UNK: variants seen among roughly 807,000 people sequenced by gnomAD.
UNK encodes the protein unk zinc finger.
Under a neutral mutation model 97.6 loss-of-function variants are expected in UNK, and 32 were observed. The ratio of observed to expected loss-of-function variants is 0.33; its 90% CI spans 0.25 to 0.44. UNK has a LOEUF of 0.44. Among genes scored for constraint, UNK ranks in the 20% least tolerant of loss-of-function variants. UNK has a pLI of 1.00. For missense variants in UNK, 771 were observed against 1,098.4 expected (o/e 0.70, Z 4.21); for synonymous variants, 441 against 461.2 (o/e 0.96, Z 0.56).
intron 2 of UNK, among the ~76,000 whole-genome samples, chr17:75,810,955 T>C (rs1567803584): frequency 6.6e-6 from 1 of 151,416 alleles, no homozygotes; most frequent in East Asian, 2.0e-4. Context: ...TTCTTTTTTT[T>C]TGAGATGGAG....
At chr17:75,789,240 G>C (rs1289047426) in intron 1 of UNK, among the ~76,000 whole-genome samples, 1 of 152,122 alleles carries the variant, frequency 6.6e-6, no homozygotes, top group African/African-American at 2.4e-5. Context: ...AGTTATGTCA[G>C]AAGTTCCTTT....
In UNK at chr17:75,816,747, A is replaced by T; in HGVS notation, c.962-23A>T. The T allele has an allele frequency of 6.3e-7, 1 of 1,584,574 alleles. No individual in the cohort carries two copies. The highest frequency in any genetic ancestry group is 8.6e-7 in the Non-Finnish European group (1 of 1,169,078). ...GGACAGAGCTGGCTGGGGCCTGCTG[A>T]CCCCTGCCCCTGACTCTTGCAGAGC... On this transcript the variant is annotated intron_variant, in intron 7 of 15. Transcript: ENST00000589666. The surrounding 1 kb of genome is among the most constrained non-coding windows in gnomAD (Gnocchi z 4.0).
chr17:75,785,137 TCCCAACTGCC>T, intron 1 of UNK, 153 bp downstream of exon 1: 2 of 539,642 alleles, frequency 3.7e-6, no homozygotes, highest in South Asian at 2.7e-5. Flanking sequence ...CTGGGGCCGG[TCCCAACTGCC>T]TCCAACTGCC....
chr17:75,823,558 C>T, intron 15 of UNK, 36 bp downstream of exon 15: 5 of 1,498,734 alleles, frequency 3.3e-6, no homozygotes, highest in Admixed American at 2.2e-5. Flanking sequence ...GTGGGATGCA[C>T]GGTGGCCTCA....
chr17:75,818,740 C>T lies in UNK; in HGVS notation c.1470C>T (p.Gly490=), dbSNP rs374284607. The change falls in exon 11 of 16, where the codon GGC becomes GGT. Residue 490 remains glycine (G), a synonymous_variant. Transcript: ENST00000589666. This position sits in a 1 kb window ranked among gnomAD's most constrained non-coding sequence, Gnocchi z 5.1. ...CAGCTACCCCCCCTAGCCCAGTGGGCACCAGCAGCGTCCCCGGCATGAATG... is the reference window on the plus strand; with the variant it reads ...CAGCTACCCCCCCTAGCCCAGTGGGTACCAGCAGCGTCCCCGGCATGAATG... ...SLAATPPSPV[G]TSSVPGMNAN... is the part of the protein sequence containing the mutation. The T allele has an allele frequency of 5.6e-6, 9 of 1,613,194 alleles. No homozygotes were observed. Among genetic ancestry groups the T allele is most frequent in the African/African-American group, 1.3e-5 (1 of 74,904 alleles).
At chr17:75,790,467 C>T (rs2061753859) in intron 1 of UNK, among the ~76,000 whole-genome samples, 2 of 151,582 alleles carry the variant, frequency 1.3e-5, no homozygotes, top group African/African-American at 4.9e-5. Context: ...CTCCTCTCTA[C>T]TAAAAATTAA....
Position 75,815,183 on chromosome 17 carries a change from C to A in UNK, c.891C>A (p.Thr297=), listed in dbSNP as rs1271706819. ...CTGCCCTCCAGATCTACAAGTCCAC[C>A]AAGTGCAACGACATGCAGCAGTCGG... is the stretch of plus-strand genomic sequence containing the variant. ...QQFHPEIYKS[T]KCNDMQQSGS... is the part of the protein sequence containing the mutation. Residue 297 remains threonine (T), a synonymous_variant, in exon 7 of 16, where the codon ACC becomes ACA. Transcript: ENST00000589666. 1.9e-6 allele frequency: 3 copies of A among 1,613,190 alleles called. No homozygotes were observed. In the Admixed American group the frequency reaches 5.0e-5, roughly 27 times the overall value.
intron 1 of UNK, among the ~76,000 whole-genome samples, chr17:75,788,446 G>A (rs953119533): frequency 6.6e-6 from 1 of 152,128 alleles, no homozygotes; most frequent in Non-Finnish European, 1.5e-5. Context: ...CCAAACTGCT[G>A]GGATTACAGG....
chr17:75,821,135 T>C, intron 13 of UNK: 1 of 286,808 alleles, frequency 3.5e-6, no homozygotes, highest in South Asian at 3.0e-5. Flanking sequence ...CACTGCAGCC[T>C]GGAACTCCTG....
intron 1 of UNK, among the ~76,000 whole-genome samples, chr17:75,799,288 A>C (rs979075513): frequency 6.6e-6 from 1 of 152,188 alleles, no homozygotes; most frequent in Non-Finnish European, 1.5e-5. Context: ...CCTGGGTGAC[A>C]GAATGAGACC....
intron 13 of UNK, among the ~76,000 whole-genome samples, chr17:75,822,142 G>C (rs543250229): frequency 6.6e-6 from 1 of 152,308 alleles, no homozygotes; most frequent in African/African-American, 2.4e-5. Context: ...CACTATCGGG[G>C]GCCTGGGACT....
Position 75,784,909 on chromosome 17 carries a change from C to T in UNK, c.29C>T (p.Ser10Phe). Reference protein sequence around the residue: MSKGPGPGGSAASSAPPAAT... With the variant: MSKGPGPGGFAASSAPPAAT... ...TCGAAGGGCCCCGGGCCCGGCGGCT[C>T]CGCAGCTTCCTCGGCGCCCCCGGCC... The change falls in exon 1 of 16, where the codon TCC becomes TTC. Residue 10 changes from serine to phenylalanine, a missense_variant. Physicochemically the swap from Ser to Phe is radical, Grantham distance 155. This residue lies in a region of UNK where 34 missense variants were observed against 24.7 expected (regional missense o/e 1.37). Coordinates refer to ENST00000589666, the MANE Select transcript of UNK (RefSeq NM_001080419.3). 1.3e-6 allele frequency: 2 copies of T among 1,571,202 alleles called. No homozygotes were observed. The highest frequency in any genetic ancestry group is 1.7e-6 in the Non-Finnish European group (2 of 1,162,194).
intron 1 of UNK, among the ~76,000 whole-genome samples, chr17:75,789,808 A>G (rs1418781099): frequency 1.3e-5 from 2 of 152,148 alleles, no homozygotes; most frequent in Admixed American, 6.5e-5. Flanking sequence ...AAGTTTAGCT[A>G]CCTTTTGGCT....
intron 1 of UNK, among the ~76,000 whole-genome samples, chr17:75,795,847 C>G (rs534116122): frequency 6.6e-6 from 1 of 152,200 alleles, no homozygotes; most frequent in Non-Finnish European, 1.5e-5. Flanking sequence ...ATTGCACACC[C>G]TTCCTGGCTC....
chr17:75,812,093 C>A lies in UNK; in HGVS notation c.315-19C>A. On this transcript the variant is annotated intron_variant, in intron 2 of 15. Coordinates refer to ENST00000589666, the MANE Select transcript of UNK (RefSeq NM_001080419.3). The stretch of plus-strand genomic sequence containing the variant: ...GCTGCAGGCAGCAAAGTTGAGTGAC[C>A]CCCACTACCGTGTTCCAGGTGCCCA... The A allele has an allele frequency of 6.4e-7, 1 of 1,570,302 alleles. No homozygotes were observed. Among genetic ancestry groups the A allele is most frequent in the Non-Finnish European group, 8.7e-7 (1 of 1,153,642 alleles).
Position 75,819,632 on chromosome 17 carries a change from C to T in UNK, c.1547-52C>T, listed in dbSNP as rs1437709754. The T allele has an allele frequency of 6.5e-7, 1 of 1,549,968 alleles. No homozygotes were observed. On this transcript the variant is annotated intron_variant, in intron 11 of 15. Coordinates refer to ENST00000589666, the MANE Select transcript of UNK (RefSeq NM_001080419.3). The surrounding 1 kb of genome is among the most constrained non-coding windows in gnomAD (Gnocchi z 5.4). ...CAGCGTGGGCAGTAGACGAGGTGGT[C>T]AGGGTCAGATAGTCCCTCGGGAGGT...
Position 75,820,023 on chromosome 17 carries a change from C to T in UNK, c.1752C>T (p.Ser584=), listed in dbSNP as rs1219892311. 4 of 1,613,816 alleles carry T rather than the reference C, an allele frequency of 2.5e-6. No homozygotes were observed. In the African/African-American group the frequency reaches 4.0e-5, roughly 16 times the overall value. ...CCCCGTCCCCTCCCGTCAGCCTCTC[C>T]TCGCATTTCCTGCAGCAGCCCCAGG... ...SASPSPPVSL[S]SHFLQQPQGH... The change falls in exon 13 of 16, where the codon TCC becomes TCT. Residue 584 remains serine (S), a synonymous_variant. Transcript: ENST00000589666.
intron 1 of UNK, among the ~76,000 whole-genome samples, chr17:75,799,442 G>A (rs896546221): frequency 1.1e-4 from 16 of 152,224 alleles, no homozygotes; most frequent in African/African-American, 3.1e-4. Context: ...CTGAGCAGAC[G>A]TGATGTGGAA....
At chr17:75,805,231 C>T (rs571208206) in intron 1 of UNK, among the ~76,000 whole-genome samples, 1 of 150,780 alleles carries the variant, frequency 6.6e-6, no homozygotes, top group South Asian at 2.1e-4. Flanking sequence ...ACAGTGAAAC[C>T]CCATCTCTAC....
Sources: gnomAD v4.1 joint callset for allele counts (sites outside exome capture counted in the v4.1 genomes callset) on GRCh38, gnomAD v4.1.1 for gene constraint, gnomAD v4.1.1 regional missense constraint, Gnocchi (gnomAD v3.1) non-coding constraint, MANE v1.5 for transcripts, NCBI Gene and HGNC (gene_info 2026-07-23, HGNC 2026-07-21) for gene names.